Variants in LINGO2 observed in about 807,000 individuals in gnomAD.
The protein encoded by LINGO2 is leucine-rich repeat and immunoglobulin-like domain-containing nogo receptor-interacting protein 2.
LINGO2 carries 14 observed loss-of-function variants against 30.6 expected under a neutral mutation model. That is an observed-to-expected ratio of 0.46 (90% CI 0.30 to 0.72). The LOEUF is 0.72. Ranked by LOEUF, LINGO2 falls within the 30% of genes least tolerant of loss-of-function variation. LINGO2 has a pLI of 0.07. For synonymous variants in LINGO2, 317 were observed against 288.5 expected (o/e 1.10, Z -1.00); for missense variants, 729 against 751.7 (o/e 0.97, Z 0.35).
At chr9:29,078,534 G>A in the LINGO2 span, among the ~76,000 whole-genome samples, 2 of 152,012 alleles carry the variant, frequency 1.3e-5, no homozygotes, top group Admixed American at 1.3e-4. Flanking sequence ...AACTTTCACT[G>A]ACATTGGTAT....
the LINGO2 span, among the ~76,000 whole-genome samples, chr9:28,933,183 A>T: frequency 3.9e-5 from 6 of 152,262 alleles, no homozygotes; most frequent in East Asian, 9.7e-4. Context: ...CTGGGATTAC[A>T]GTCATGAGCC....
chr9:28,777,117 CCTCCCAATCATG>C, the LINGO2 span, among the ~76,000 whole-genome samples: 2 of 152,118 alleles, frequency 1.3e-5, no homozygotes, highest in Non-Finnish European at 2.9e-5. Flanking sequence ...TTTCCTGAGG[CCTCCCAATCATG>C]CTTCTCTACA....
intron 4 of LINGO2, among the ~76,000 whole-genome samples, chr9:28,023,697 A>G (rs1823244303): frequency 6.6e-6 from 1 of 152,130 alleles, no homozygotes; most frequent in South Asian, 2.1e-4. Context: ...ATTTGTTAAG[A>G]AGTCTCTTGG....
chr9:28,144,368 C>G (rs1334968067), intron 4 of LINGO2, among the ~76,000 whole-genome samples: 1 of 152,044 alleles, frequency 6.6e-6, no homozygotes, highest in Non-Finnish European at 1.5e-5. Flanking sequence ...ATACAAATTA[C>G]CAAGATCTAT....
In LINGO2 at chr9:28,147,586, C is replaced by T. The variant is rs915493791; in HGVS notation, c.-86-135181G>A. ...GCTTCCAGGTTCTGGCCCTGTAACC[C>T]GGGGGACAGGGCCGGCCAAGACAGG... is the stretch of plus-strand genomic sequence containing the variant. On this transcript the variant is annotated intron_variant, in intron 4 of 5. Transcript: ENST00000379992. The surrounding 1 kb of genome is among the most constrained non-coding windows in gnomAD (Gnocchi z 4.7). Among the ~76,000 whole-genome samples the T allele has an allele frequency of 7.9e-5, 12 of 151,966 alleles. No individual in the cohort carries two copies. Among genetic ancestry groups the T allele is most frequent in the Admixed American group, 1.3e-4 (2 of 15,264 alleles).
chr9:28,846,088 A>G, the LINGO2 span, among the ~76,000 whole-genome samples: 3 of 151,790 alleles, frequency 2.0e-5, no homozygotes, highest in Admixed American at 1.3e-4. Context: ...TTGTTCTATC[A>G]TAAGACATAG....
chr9:28,936,884 G>T, the LINGO2 span, among the ~76,000 whole-genome samples: 1 of 152,070 alleles, frequency 6.6e-6, no homozygotes, highest in South Asian at 2.1e-4. Context: ...CCAACATCAA[G>T]GGAACAGCAG....
At chr9:28,402,038 G>A (rs1481640985) in intron 2 of LINGO2, among the ~76,000 whole-genome samples, 1 of 152,012 alleles carries the variant, frequency 6.6e-6, no homozygotes, top group Non-Finnish European at 1.5e-5. Context: ...AAAAGGATAA[G>A]ATTTATAAGG....
At chr9:29,049,334 T>C in the LINGO2 span, among the ~76,000 whole-genome samples, 21 of 152,166 alleles carry the variant, frequency 1.4e-4, no homozygotes, top group South Asian at 3.9e-3. Flanking sequence ...GGGGAGGAAG[T>C]GGAAGAGGGA....
intron 4 of LINGO2, among the ~76,000 whole-genome samples, chr9:28,226,742 T>C (rs1044566960): frequency 6.6e-6 from 1 of 152,048 alleles, no homozygotes; most frequent in African/African-American, 2.4e-5. Context: ...CTGCATATTA[T>C]GATCCAGTGC....
intron 1 of LINGO2, among the ~76,000 whole-genome samples, chr9:28,518,534 G>C (rs1408718108): frequency 6.6e-6 from 1 of 152,134 alleles, no homozygotes; most frequent in Non-Finnish European, 1.5e-5. Flanking sequence ...CTTAAAACAG[G>C]AGATAAAAAT....
chr9:28,478,688 T>C (rs1185608930), intron 1 of LINGO2, among the ~76,000 whole-genome samples: 5 of 152,118 alleles, frequency 3.3e-5, no homozygotes, highest in Admixed American at 1.3e-4. Flanking sequence ...ACAAATGCCA[T>C]TCCTGTGAGA....
chr9:28,210,386 C>G (rs1820547016), intron 4 of LINGO2, among the ~76,000 whole-genome samples: 1 of 151,436 alleles, frequency 6.6e-6, no homozygotes, highest in African/African-American at 2.4e-5. Flanking sequence ...CGAACTCCAT[C>G]ACTTTGATGT....
chr9:28,615,614 C>T (rs1406657584), intron 1 of LINGO2, among the ~76,000 whole-genome samples: 1 of 152,070 alleles, frequency 6.6e-6, no homozygotes, highest in African/African-American at 2.4e-5. Context: ...AGTACATTAA[C>T]AGATGATTTA....
intron 3 of LINGO2, among the ~76,000 whole-genome samples, chr9:28,366,149 C>A (rs1820665157): frequency 6.6e-6 from 1 of 152,156 alleles, no homozygotes; most frequent in South Asian, 2.1e-4. Context: ...CCGTTGCTAC[C>A]ATATTAGTAA....
intron 3 of LINGO2, among the ~76,000 whole-genome samples, chr9:28,371,874 A>C (rs1352493685): frequency 6.6e-6 from 1 of 152,208 alleles, no homozygotes; most frequent in African/African-American, 2.4e-5. Context: ...TATCAGATAC[A>C]GCAAGTTAAA....
chr9:28,797,341 TATATATATATATATATATAGAGAG>T, the LINGO2 span, among the ~76,000 whole-genome samples: 433 of 71,108 alleles, frequency 6.1e-3, 5 homozygotes, highest in African/African-American at 0.02. Context: ...TATATATATA[TATATATATATATATATATAGAGAG>T]AGAGAGAGAG....
chr9:28,074,828 G>T (rs1379993986), intron 4 of LINGO2, among the ~76,000 whole-genome samples: 1 of 151,792 alleles, frequency 6.6e-6, no homozygotes, highest in Non-Finnish European at 1.5e-5. Context: ...TTATTTTGAT[G>T]GTTTTATTTT....
intron 1 of LINGO2, among the ~76,000 whole-genome samples, chr9:28,665,245 C>T (rs954168824): frequency 6.6e-6 from 1 of 151,678 alleles, no homozygotes; most frequent in Non-Finnish European, 1.5e-5. Flanking sequence ...CAGTGGCAAC[C>T]TGATCAAATC....
Sources: gnomAD v4.1 joint callset for allele counts (sites outside exome capture counted in the v4.1 genomes callset) on GRCh38, gnomAD v4.1.1 for gene constraint, Gnocchi (gnomAD v3.1) non-coding constraint, MANE v1.5 for transcripts, NCBI Gene and HGNC (gene_info 2026-07-23, HGNC 2026-07-21) for gene names.